SOD2: variants seen among roughly 807,000 people sequenced by gnomAD.
The protein encoded by SOD2 is superoxide dismutase 2.
A neutral mutation model predicts 27.0 loss-of-function variants in SOD2; 11 were observed. That is an observed-to-expected ratio of 0.41 (90% confidence interval 0.26 to 0.67). The LOEUF (loss-of-function observed/expected upper bound fraction) is 0.67. SOD2 is among the 30% of genes least tolerant of loss of function. SOD2 has a pLI of 0.34. For missense variants in SOD2, 250 were observed against 274.5 expected (o/e 0.91, Z 0.63); for synonymous variants, 105 against 103.0 (o/e 1.02, Z -0.12).
At position 159,702,882 on chromosome 6, in the gene SOD2, G is replaced by A. The variant is rs550004243; in HGVS notation, c.-115-10019C>T. 2.3e-3 allele frequency among the ~76,000 whole-genome samples: 330 copies of A among 140,432 alleles called. 1 individual carries two copies. The highest frequency in any genetic ancestry group is 8.5e-3 in the African/African-American group (325 of 38,404). 92.1% of individuals were successfully genotyped at this position (140,432 alleles called of 152,430 possible). A position where few individuals can be genotyped will look rare whatever the true frequency, so the allele number is the denominator to read the frequency against. On this transcript the variant is annotated intron_variant, in intron 1 of 2. Transcript: ENST00000401980. Reference sequence around the variant, plus strand: ...AAAAAAAAAAAAAAAAAAGCCAGGTGTTGTGGTATTTGCCTATAGTCCCAG... The same window carrying A: ...AAAAAAAAAAAAAAAAAAGCCAGGTATTGTGGTATTTGCCTATAGTCCCAG...
chr6:159,707,479 C>G (rs983660270), intron 1 of SOD2, among the ~76,000 whole-genome samples: 4 of 152,146 alleles, frequency 2.6e-5, no homozygotes, highest in Admixed American at 2.0e-4. Flanking sequence ...TCAGAGAATA[C>G]TATAAACACC....
intron 1 of SOD2, among the ~76,000 whole-genome samples, chr6:159,712,097 T>C (rs367566274): frequency 2.6e-4 from 9 of 34,958 alleles, no homozygotes; most frequent in Admixed American, 4.4e-4. Flanking sequence ...ACCACCTCCA[T>C]AACCACCACT....
intron 1 of SOD2, among the ~76,000 whole-genome samples, chr6:159,723,642 A>G (rs940676699): frequency 1.3e-5 from 2 of 152,206 alleles, no homozygotes; most frequent in East Asian, 1.9e-4. Flanking sequence ...GGACTGTTCC[A>G]GTTTTAATCT....
upstream of SOD2, among the ~76,000 whole-genome samples, chr6:159,745,989 A>G (rs561847137): frequency 3.3e-5 from 5 of 152,326 alleles, no homozygotes; most frequent in African/African-American, 1.2e-4. Flanking sequence ...TGCTACTAGG[A>G]TAGATCCTAC....
At chr6:159,708,085 C>T (rs970718080) in intron 1 of SOD2, among the ~76,000 whole-genome samples, 7 of 152,306 alleles carry the variant, frequency 4.6e-5, no homozygotes, top group South Asian at 2.1e-4. Flanking sequence ...ATGCTAAAAA[C>T]TCTCAATAAA....
At chr6:159,739,075 C>CT (rs1779088578) in intron 1 of SOD2, 1 of 1,561,366 alleles carries the variant, frequency 6.4e-7, no homozygotes, top group Admixed American at 1.7e-5. Context: ...AAAACAAAGT[C>CT]TTTCTATAGA....
rs1489596370 is a variant in SOD2, at chr6:159,671,321, A to T, written c.*11172T>A. On this transcript the variant is annotated 3_prime_UTR_variant, in exon 5 of 5. Transcript: ENST00000538183. ...TCAAGTGAGTCCCTGACCCCCGAGT[A>T]GCCTAACTGGGAGGCACCCCCAAGT... 6.6e-6 allele frequency: 1 copy of T among 152,592 alleles called. No homozygotes were observed. The highest frequency in any genetic ancestry group is 1.9e-4 in the East Asian group (1 of 5,196). The allele number at this position is 152,592 out of a possible 1,614,324, so 9.5% of individuals were successfully genotyped here.
chr6:159,755,059 A>G (rs749324298), intron 1 of SOD2: 1 of 1,613,508 alleles, frequency 6.2e-7, no homozygotes, highest in East Asian at 2.2e-5. Flanking sequence ...AGCTTGATGA[A>G]GAAGTAGAGG....
chr6:159,693,071 C>A, intron 1 of SOD2, 74 bp downstream of exon 1: 1 of 1,506,270 alleles, frequency 6.6e-7, no homozygotes, highest in Admixed American at 2.1e-5. Flanking sequence ...CCACTGTCGC[C>A]ATTGCCGCGG....
At position 159,672,704 on chromosome 6, in the gene SOD2, T is replaced by C. The variant is rs1477495800; in HGVS notation, c.*9789A>G. Reference sequence around the variant, plus strand: ...ATCAACTAACGAGCAAAATAACCAGTGAACATCCTAGTGACAGGATCAAAT... The same window carrying C: ...ATCAACTAACGAGCAAAATAACCAGCGAACATCCTAGTGACAGGATCAAAT... On this transcript the variant is annotated 3_prime_UTR_variant, in exon 5 of 5. Transcript: ENST00000538183. 2 of 151,978 alleles carry C rather than the reference T, an allele frequency of 1.3e-5. No individual in the cohort carries two copies. The highest frequency in any genetic ancestry group is 4.8e-5 in the African/African-American group (2 of 41,372). 9.4% of individuals were successfully genotyped at this position (151,978 alleles called of 1,614,324 possible).
chr6:159,732,265 G>A (rs113194540), upstream of SOD2, among the ~76,000 whole-genome samples: 5,590 of 152,196 alleles, frequency 0.037, 121 homozygotes, highest in Non-Finnish European at 0.054. Flanking sequence ...ATATTGAACA[G>A]CATCCATGAT....
chr6:159,711,965 A>G lies in SOD2; in HGVS notation c.-116+15164T>C, dbSNP rs1260839370. 1.1e-4 allele frequency among the ~76,000 whole-genome samples: 12 copies of G among 110,414 alleles called. No homozygotes were observed. In the South Asian group the frequency reaches 1.9e-3, roughly 18 times the overall value. The allele number at this position is 110,414 out of a possible 152,430, so 72.4% of individuals were successfully genotyped here. On this transcript the variant is annotated intron_variant, in intron 1 of 2. Transcript: ENST00000401980. ...TCACATTGCTCTGATCACCATAACC[A>G]CCTCCATAACCACCACTCACACTGC...
intron 1 of SOD2, among the ~76,000 whole-genome samples, chr6:159,743,076 C>T (rs1354436129): frequency 6.6e-6 from 1 of 152,216 alleles, no homozygotes; most frequent in African/African-American, 2.4e-5. Context: ...GAGACAGGGT[C>T]TCGCACTGTT....
chr6:159,712,437 C>G (rs1404478007), intron 1 of SOD2, among the ~76,000 whole-genome samples: 1 of 54,468 alleles, frequency 1.8e-5, no homozygotes, highest in Non-Finnish European at 4.8e-5. Flanking sequence ...CCATAACCAC[C>G]ACTCACACTG....
At chr6:159,712,749 C>T in intron 1 of SOD2, 1 of 472,738 alleles carries the variant, frequency 2.1e-6, no homozygotes, top group Non-Finnish European at 4.2e-6. Context: ...CTCAGACCAC[C>T]ATAACCACCT....
intron 1 of SOD2, among the ~76,000 whole-genome samples, chr6:159,752,577 G>A (rs1779861207): frequency 6.6e-6 from 1 of 152,130 alleles, no homozygotes; most frequent in East Asian, 1.9e-4. Flanking sequence ...GCAGATATTT[G>A]CGTGTTTGAA....
intron 1 of SOD2, among the ~76,000 whole-genome samples, chr6:159,751,141 C>T (rs1300405876): frequency 1.3e-5 from 2 of 152,068 alleles, no homozygotes; most frequent in Non-Finnish European, 2.9e-5. Flanking sequence ...AAAACAACTA[C>T]TTGTAATTAA....
chr6:159,743,583 A>G lies in SOD2; in HGVS notation c.-116+1547T>C, dbSNP rs1197169917. On this transcript the variant is annotated intron_variant, in intron 1 of 3. Transcript: ENST00000537657. Reference sequence around the variant, plus strand: ...AACTAAAGACTTGATTAATTTTTTGACCCTAGTTCTTATTGTTCTTGACAG... The same window carrying G: ...AACTAAAGACTTGATTAATTTTTTGGCCCTAGTTCTTATTGTTCTTGACAG... 9 of 1,299,372 alleles carry G rather than the reference A, an allele frequency of 6.9e-6. No individual in the cohort carries two copies. The African/African-American group carries it at 1.1e-4, about 15-fold the overall frequency. The allele number at this position is 1,299,372 out of a possible 1,614,324, so 80.5% of individuals were successfully genotyped here. A position where few individuals can be genotyped will look rare whatever the true frequency, so the allele number is the denominator to read the frequency against.
intron 4 of SOD2, among the ~76,000 whole-genome samples, chr6:159,684,597 A>G (rs978350858): frequency 6.6e-6 from 1 of 152,226 alleles, no homozygotes; most frequent in African/African-American, 2.4e-5. Flanking sequence ...AGCCTGGGCA[A>G]CAGTGAGATC....
Sources: gnomAD v4.1 joint callset for allele counts (sites outside exome capture counted in the v4.1 genomes callset) on GRCh38, gnomAD v4.1.1 for gene constraint, MANE v1.5 for transcripts, NCBI Gene and HGNC (gene_info 2026-07-23, HGNC 2026-07-21) for gene names.